Variants in C3orf70 observed in about 807,000 individuals in gnomAD.
C3orf70 encodes UPF0524 protein C3orf70.
A neutral mutation model predicts 20.7 loss-of-function variants in C3orf70; 15 were observed. The observed-to-expected ratio is 0.72, with a 90% CI of 0.48 to 1.11. The LOEUF is 1.11. Ranked by LOEUF, C3orf70 falls within the 50% of genes most tolerant of loss-of-function variation. The probability of loss-of-function intolerance (pLI) is 0.00; values close to 1 mark genes in which losing one functional copy is unlikely to be tolerated. For missense variants in C3orf70, 332 were observed against 317.6 expected (o/e 1.05, Z -0.34); for synonymous variants, 161 against 125.7 (o/e 1.28, Z -1.88).
At chr3:185,149,967 C>T (rs1251156802) in intron 1 of C3orf70, among the ~76,000 whole-genome samples, 1 of 151,978 alleles carries the variant, frequency 6.6e-6, no homozygotes, top group Middle Eastern at 3.2e-3. Flanking sequence ...AAAATGGTAA[C>T]CATTTGTGGA....
At chr3:185,122,831 G>T (rs1483255605) in intron 1 of C3orf70, among the ~76,000 whole-genome samples, 1 of 151,876 alleles carries the variant, frequency 6.6e-6, no homozygotes, top group Non-Finnish European at 1.5e-5. Flanking sequence ...AGCTGAGAAA[G>T]GCTTTTCTTC....
intron 1 of C3orf70, among the ~76,000 whole-genome samples, chr3:185,111,466 T>C (rs990095630): frequency 6.6e-6 from 1 of 151,982 alleles, no homozygotes; most frequent in Non-Finnish European, 1.5e-5. Context: ...AATAAGCAAA[T>C]GAAAAAATGC....
At chr3:185,091,886 TATACACACATACAC>T (rs1367128084) in intron 1 of C3orf70, among the ~76,000 whole-genome samples, 1 of 125,386 alleles carries the variant, frequency 8.0e-6, no homozygotes, top group Non-Finnish European at 1.7e-5. Flanking sequence ...ATATAATATA[TATACACACATACAC>T]ACACACACAT....
chr3:185,092,234 G>A (rs978405934), intron 1 of C3orf70, among the ~76,000 whole-genome samples: 1 of 152,010 alleles, frequency 6.6e-6, no homozygotes, highest in African/African-American at 2.4e-5. Context: ...AGTATCTGGT[G>A]CACTGTAAAC....
chr3:185,083,212 G>GA lies in C3orf70; in HGVS notation c.547dup (p.Ser183PhefsTer6). ...CCCAGAGTCCTCAGAACTTGAGGGA[G>GA]AAGAGCAGTGATCTATTTTTGGTGT... On this transcript the variant is annotated frameshift_variant, in exon 2 of 2. Coordinates refer to ENST00000335012, the MANE Select transcript of C3orf70 (RefSeq NM_001025266.3). LOFTEE classifies it high-confidence loss of function. 6.2e-7 allele frequency: 1 copy of GA among 1,614,216 alleles called. No individual in the cohort carries two copies. The highest frequency in any genetic ancestry group is 8.5e-7 in the Non-Finnish European group (1 of 1,180,042).
chr3:185,086,792 G>C (rs1170208006), intron 1 of C3orf70, among the ~76,000 whole-genome samples: 4 of 151,820 alleles, frequency 2.6e-5, no homozygotes, highest in Middle Eastern at 6.3e-3. Context: ...GGTGATATGG[G>C]GATGCAAAGA....
intron 1 of C3orf70, among the ~76,000 whole-genome samples, chr3:185,149,553 A>C (rs1158412254): frequency 6.6e-6 from 1 of 152,176 alleles, no homozygotes; most frequent in Non-Finnish European, 1.5e-5. Context: ...AAGGTGTTCA[A>C]TATATGTTCA....
chr3:185,121,215 TG>T (rs1388627748), intron 1 of C3orf70, among the ~76,000 whole-genome samples: 1 of 151,876 alleles, frequency 6.6e-6, no homozygotes, highest in East Asian at 1.9e-4. Flanking sequence ...CAATGGACAT[TG>T]GGGACTTGAG....
intron 1 of C3orf70, among the ~76,000 whole-genome samples, chr3:185,088,461 T>C (rs1715501763): frequency 6.6e-6 from 1 of 152,190 alleles, no homozygotes; most frequent in African/African-American, 2.4e-5. Context: ...TTAATTGCCA[T>C]TGGGGGGAAC....
At chr3:185,089,750 T>G (rs1274729963) in intron 1 of C3orf70, among the ~76,000 whole-genome samples, 3 of 152,308 alleles carry the variant, frequency 2.0e-5, no homozygotes, top group East Asian at 3.9e-4. Flanking sequence ...ACAACATGAC[T>G]AACACAAAAA....
intron 1 of C3orf70, among the ~76,000 whole-genome samples, chr3:185,120,445 T>C (rs74370286): frequency 0.052 from 7,886 of 152,038 alleles, 662 homozygotes; most frequent in African/African-American, 0.18. Flanking sequence ...ACAGACAACC[T>C]ACAGAGTTGG....
intron 1 of C3orf70, among the ~76,000 whole-genome samples, chr3:185,122,802 A>G (rs2108599665): frequency 6.6e-6 from 1 of 150,580 alleles, no homozygotes; most frequent in South Asian, 2.1e-4. Context: ...ACAAATACAA[A>G]AGGCAATTGG....
Position 185,082,947 on chromosome 3 carries a change from A to T in C3orf70, c.*60T>A. ...TCAACAGCATTGGAAAAAAGGATCCACCAGACAAAGGTACAAAAGCTCGGC... is the reference window on the plus strand; with the variant it reads ...TCAACAGCATTGGAAAAAAGGATCCTCCAGACAAAGGTACAAAAGCTCGGC... On this transcript the variant is annotated 3_prime_UTR_variant, in exon 2 of 2. Coordinates refer to ENST00000335012, the MANE Select transcript of C3orf70 (RefSeq NM_001025266.3). The T allele has an allele frequency of 1.3e-6, 2 of 1,523,534 alleles. No homozygotes were observed. The highest frequency in any genetic ancestry group is 1.8e-6 in the Non-Finnish European group (2 of 1,125,392). The allele number at this position is 1,523,534 out of a possible 1,614,324, so 94.4% of individuals were successfully genotyped here. A position where few individuals can be genotyped will look rare whatever the true frequency, so the allele number is the denominator to read the frequency against.
intron 1 of C3orf70, among the ~76,000 whole-genome samples, chr3:185,088,255 G>GA (rs1369320951): frequency 2.0e-5 from 3 of 152,194 alleles, no homozygotes; most frequent in Admixed American, 6.5e-5. Flanking sequence ...AGACTACAGG[G>GA]AAAAAACCCA....
chr3:185,083,356 T>G lies in C3orf70; in HGVS notation c.404A>C (p.Gln135Pro). ...MISDLFIDNY[Q>P]VKCINGKMCY... ...CATCTTCCCATTAATACATTTAACC[T>G]GATAGTTGTCAATAAAAAGGTCTGA... The change falls in exon 2 of 2, where the codon CAG becomes CCG. Residue 135 changes from glutamine to proline, a missense_variant. Coordinates refer to ENST00000335012, the MANE Select transcript of C3orf70 (RefSeq NM_001025266.3). 1 of 1,614,164 alleles carries G rather than the reference T, an allele frequency of 6.2e-7. No homozygotes were observed. Among genetic ancestry groups the G allele is most frequent in the South Asian group, 1.1e-5 (1 of 91,080 alleles).
intron 1 of C3orf70, among the ~76,000 whole-genome samples, chr3:185,142,564 C>T (rs1713886343): frequency 6.6e-6 from 1 of 152,190 alleles, no homozygotes; most frequent in Admixed American, 6.5e-5. Flanking sequence ...TTTGCAACCA[C>T]CAGCGTAGTA....
chr3:185,136,703 G>A (rs971725012), intron 1 of C3orf70, among the ~76,000 whole-genome samples: 10 of 152,046 alleles, frequency 6.6e-5, no homozygotes, highest in African/African-American at 9.7e-5. Flanking sequence ...CAGCCTGGGC[G>A]ACAGAGCGAA....
rs759254420 is a variant in C3orf70 at position 185,152,788 on chromosome 3, A to G, written c.36T>C (p.Gly12=). Residue 12 remains glycine, a synonymous_variant, in exon 1 of 2, where the codon GGT becomes GGC. Transcript: ENST00000335012. ...CCTCATCTAGTTTCTCGCTCTTCCA[A>G]CCCCGCTCCGACGCCGGCGAGGCCG... The part of the protein sequence containing the change: ...SAAASPASER[G]WKSEKLDEAQ... The G allele has an allele frequency of 4.5e-6, 7 of 1,565,606 alleles. No homozygotes were observed. The South Asian group carries it at 8.1e-5, about 18-fold the overall frequency.
intron 1 of C3orf70, among the ~76,000 whole-genome samples, chr3:185,114,252 C>A (rs1326137466): frequency 1.3e-5 from 2 of 151,924 alleles, no homozygotes; most frequent in African/African-American, 4.8e-5. Context: ...ACTGAAATAC[C>A]ATAAATGGTA....
Sources: allele counts gnomAD v4.1 joint callset (sites outside exome capture counted in the v4.1 genomes callset), GRCh38; gene constraint gnomAD v4.1.1; transcripts MANE v1.5; gene names NCBI Gene and HGNC (gene_info 2026-07-23, HGNC 2026-07-21).